The following APBA2 variants were observed in gnomAD, a reference collection of about 807,000 sequenced individuals.
The protein encoded by APBA2 is amyloid-beta A4 precursor protein-binding family A member 2.
A neutral mutation model predicts 75.0 loss-of-function variants in APBA2; 30 were observed. The ratio of observed to expected loss-of-function variants is 0.40; its 90% CI spans 0.30 to 0.54. APBA2 has a LOEUF of 0.54. Among genes scored for constraint, APBA2 ranks in the 20% least tolerant of loss-of-function variants. APBA2 has a pLI of 0.49. For missense variants in APBA2, 801 were observed against 1,016.1 expected (o/e 0.79, Z 2.88); for synonymous variants, 444 against 409.6 (o/e 1.08, Z -1.01).
At chr15:29,107,001 C>G (rs2044449671) in intron 12 of APBA2, among the ~76,000 whole-genome samples, 182 bp downstream of exon 12, 2 of 152,176 alleles carry the variant, frequency 1.3e-5, no homozygotes, top group African/African-American at 4.8e-5. Flanking sequence ...AGACCATTCC[C>G]CATGTCTGAA....
intron 2 of APBA2, among the ~76,000 whole-genome samples, chr15:28,928,725 G>A (rs2034409676): frequency 6.6e-6 from 1 of 152,170 alleles, no homozygotes; most frequent in Non-Finnish European, 1.5e-5. Flanking sequence ...TCACCAGGAT[G>A]ACGTTTGTCC....
chr15:28,987,999 T>G (rs2038019918), intron 2 of APBA2, among the ~76,000 whole-genome samples: 8 of 151,170 alleles, frequency 5.3e-5, no homozygotes, highest in African/African-American at 1.9e-4. Context: ...TCAAGTGGTC[T>G]GCCCGCCTCA....
intron 1 of APBA2, among the ~76,000 whole-genome samples, chr15:28,893,010 G>A (rs769960491): frequency 1.3e-4 from 20 of 152,208 alleles, no homozygotes; most frequent in Non-Finnish European, 2.6e-4. Flanking sequence ...TGTAATAAGT[G>A]AGCCATGTGC....
intron 6 of APBA2, among the ~76,000 whole-genome samples, chr15:29,088,719 G>A (rs2043409306): frequency 6.6e-6 from 1 of 152,148 alleles, no homozygotes; most frequent in East Asian, 1.9e-4. Flanking sequence ...TAATGAAGGA[G>A]TGGTTGGGCC....
intron 2 of APBA2, among the ~76,000 whole-genome samples, chr15:28,938,905 G>A (rs1170540723): frequency 6.6e-6 from 1 of 152,092 alleles, no homozygotes; most frequent in Non-Finnish European, 1.5e-5. Context: ...TGTATAGTTC[G>A]GTGGAATTAA....
chr15:28,981,621 A>T (rs2037626958), intron 2 of APBA2, among the ~76,000 whole-genome samples: 1 of 150,718 alleles, frequency 6.6e-6, no homozygotes, highest in Admixed American at 6.6e-5. Flanking sequence ...GACTTAAAAC[A>T]GAACTACATT....
chr15:29,036,138 C>A (rs2040738223), intron 3 of APBA2, among the ~76,000 whole-genome samples: 1 of 152,146 alleles, frequency 6.6e-6, no homozygotes, highest in Non-Finnish European at 1.5e-5. Context: ...GTAGGCAGAG[C>A]CCTCACCCCC....
At chr15:28,956,765 A>G (rs2036191937) in intron 2 of APBA2, among the ~76,000 whole-genome samples, 1 of 152,128 alleles carries the variant, frequency 6.6e-6, no homozygotes, top group Middle Eastern at 3.2e-3. Flanking sequence ...CCACCATTGT[A>G]CTTTCTGTCT....
intron 4 of APBA2, among the ~76,000 whole-genome samples, chr15:29,071,708 G>A (rs115699970): frequency 0.017 from 2,586 of 150,326 alleles, 78 homozygotes; most frequent in African/African-American, 0.061. Context: ...GCACCAGATG[G>A]GCTCTCCCAA....
chr15:28,901,908 A>ATGGGTGTGTGTGTGTGTG (rs2032880416), intron 1 of APBA2, among the ~76,000 whole-genome samples: 1 of 67,378 alleles, frequency 1.5e-5, no homozygotes, highest in Non-Finnish European at 2.7e-5. Flanking sequence ...GGAGCTTTTG[A>ATGGGTGTGTGTGTGTGTG]TGTGTGTGTG....
intron 3 of APBA2, among the ~76,000 whole-genome samples, chr15:29,010,302 A>G (rs1226203851): frequency 6.6e-6 from 1 of 152,168 alleles, no homozygotes; most frequent in Non-Finnish European, 1.5e-5. Context: ...TCTGTCGCCC[A>G]GGCTTGAGTG....
Position 28,991,105 on chromosome 15 carries a change from G to A in APBA2, c.-94-4648G>A, listed in dbSNP as rs914876836. Among the ~76,000 whole-genome samples the A allele has an allele frequency of 6.6e-6, 1 of 152,144 alleles. No individual in the cohort carries two copies. Among genetic ancestry groups the A allele is most frequent in the Non-Finnish European group, 1.5e-5 (1 of 68,014 alleles). ...GTCCTTTACATTGCAGCCAGCCTAG[G>A]GACTCAGTTATTCAGAATTTAAACA... On this transcript the variant is annotated intron_variant, in intron 2 of 14. Transcript: ENST00000683413. The surrounding 1 kb of genome is among the most constrained non-coding windows in gnomAD (Gnocchi z 4.7).
intron 3 of APBA2, among the ~76,000 whole-genome samples, chr15:29,050,726 G>A (rs993516638): frequency 5.3e-5 from 8 of 152,076 alleles, no homozygotes; most frequent in Non-Finnish European, 1.2e-4. Flanking sequence ...TTTAGTGTTG[G>A]TATACATATT....
chr15:28,979,420 T>C (rs1233369657), intron 2 of APBA2, among the ~76,000 whole-genome samples: 1 of 152,232 alleles, frequency 6.6e-6, no homozygotes, highest in Non-Finnish European at 1.5e-5. Flanking sequence ...CGTCATTTGA[T>C]TCATCCGGCA....
At chr15:29,086,187 C>T (rs941274194) in intron 6 of APBA2, among the ~76,000 whole-genome samples, 1 of 152,214 alleles carries the variant, frequency 6.6e-6, no homozygotes, top group African/African-American at 2.4e-5. Flanking sequence ...TGGCACAGGA[C>T]TGATGTTTCT....
In APBA2 at chr15:28,988,850, C is replaced by T. The variant is rs553580709; in HGVS notation, c.-94-6903C>T. On this transcript the variant is annotated intron_variant, in intron 2 of 14. Transcript: ENST00000683413. Reference sequence around the variant, plus strand: ...GGGAGAGAGTACAGTAATCTTCAAACGTACTAGAAACAGCTAAATTTTATT... The same window carrying T: ...GGGAGAGAGTACAGTAATCTTCAAATGTACTAGAAACAGCTAAATTTTATT... Among the ~76,000 whole-genome samples, 71 of 152,286 alleles carry T rather than the reference C, an allele frequency of 4.7e-4. 1 individual carries two copies. The South Asian group carries it at 0.014, about 31-fold the overall frequency.
chr15:28,999,157 A>G (rs937174684), intron 3 of APBA2, among the ~76,000 whole-genome samples: 21 of 144,252 alleles, frequency 1.5e-4, no homozygotes, highest in African/African-American at 5.2e-4. Flanking sequence ...AAAAAAAAAG[A>G]AAAAAAAAAA....
chr15:29,041,038 AAG>A (rs1275554659), intron 3 of APBA2, among the ~76,000 whole-genome samples: 2 of 142,826 alleles, frequency 1.4e-5, no homozygotes, highest in Admixed American at 7.1e-5. Context: ...TGAAAAAAAA[AAG>A]AAAAAAATAG....
At chr15:28,980,378 A>G (rs538186180) in intron 2 of APBA2, among the ~76,000 whole-genome samples, 10 of 152,228 alleles carry the variant, frequency 6.6e-5, no homozygotes, top group African/African-American at 1.4e-4. Context: ...AACAACTTCA[A>G]TAAAGTTTCA....
Sources: allele counts gnomAD v4.1 joint callset (sites outside exome capture counted in the v4.1 genomes callset), GRCh38; gene constraint gnomAD v4.1.1; non-coding constraint Gnocchi (gnomAD v3.1); transcripts MANE v1.5; gene names NCBI Gene and HGNC (gene_info 2026-07-23, HGNC 2026-07-21).